GALNT2: variants seen among roughly 807,000 people sequenced by gnomAD.
GALNT2 encodes polypeptide N-acetylgalactosaminyltransferase 2.
GALNT2 carries 31 observed loss-of-function variants against 81.4 expected under a neutral mutation model. The observed-to-expected ratio is 0.38, with a 90% CI of 0.29 to 0.51. GALNT2 has a LOEUF of 0.51. Ranked by LOEUF, GALNT2 falls within the 20% of genes least tolerant of loss-of-function variation. The pLI, the probability that GALNT2 is intolerant of heterozygous loss-of-function variation, is 0.87. For missense variants in GALNT2, 629 were observed against 765.7 expected (o/e 0.82, Z 2.11); for synonymous variants, 303 against 287.4 (o/e 1.05, Z -0.55).
intron 1 of GALNT2, among the ~76,000 whole-genome samples, chr1:230,130,956 A>G (rs985948177): frequency 3.3e-5 from 5 of 152,194 alleles, no homozygotes; most frequent in Admixed American, 3.3e-4. Flanking sequence ...AGCCTGAGAC[A>G]GGGTAGGAAC....
At chr1:230,111,159 G>A (rs943345977) in intron 1 of GALNT2, among the ~76,000 whole-genome samples, 3 of 152,218 alleles carry the variant, frequency 2.0e-5, no homozygotes, top group African/African-American at 7.2e-5. Flanking sequence ...ATGCACACAT[G>A]TACACAGCAC....
intron 3 of GALNT2, among the ~76,000 whole-genome samples, chr1:230,214,847 A>G (rs1376276995): frequency 1.3e-5 from 2 of 152,044 alleles, no homozygotes; most frequent in Non-Finnish European, 2.9e-5. Context: ...CAGTCTGGAT[A>G]TATTTCTGTT....
intron 2 of GALNT2, among the ~76,000 whole-genome samples, chr1:230,194,174 G>A (rs1180545418): frequency 6.6e-6 from 1 of 152,236 alleles, no homozygotes; most frequent in African/African-American, 2.4e-5. Context: ...GATAGCGGGT[G>A]TGATGAAGAG....
At chr1:230,096,467 C>T (rs901160788) in intron 1 of GALNT2, among the ~76,000 whole-genome samples, 1 of 152,158 alleles carries the variant, frequency 6.6e-6, no homozygotes, top group African/African-American at 2.4e-5. Context: ...TCGTCCATCT[C>T]GTTCTCCCCT....
chr1:230,244,730 A>T (rs987168147), intron 7 of GALNT2, among the ~76,000 whole-genome samples: 1 of 152,206 alleles, frequency 6.6e-6, no homozygotes, highest in Non-Finnish European at 1.5e-5. Flanking sequence ...CCTTTAACTC[A>T]TACACCTAGA....
chr1:230,239,129 T>C (rs1328422424), intron 6 of GALNT2, among the ~76,000 whole-genome samples: 1 of 152,212 alleles, frequency 6.6e-6, no homozygotes, highest in Non-Finnish European at 1.5e-5. Flanking sequence ...TTGTCTCTTT[T>C]TTTACTGTTT....
chr1:230,122,311 C>A (rs1401167417), intron 1 of GALNT2, among the ~76,000 whole-genome samples: 1 of 152,136 alleles, frequency 6.6e-6, no homozygotes, highest in East Asian at 1.9e-4. Flanking sequence ...ATATCGCTTT[C>A]CCTTGAAAGA....
intron 1 of GALNT2, among the ~76,000 whole-genome samples, chr1:230,131,128 T>A (rs1004415123): frequency 6.6e-6 from 1 of 152,236 alleles, no homozygotes; most frequent in Non-Finnish European, 1.5e-5. Context: ...ACGTTTGTTT[T>A]TTTTTTATAA....
chr1:230,103,849 T>C (rs998099051), intron 1 of GALNT2, among the ~76,000 whole-genome samples: 20 of 152,198 alleles, frequency 1.3e-4, no homozygotes, highest in Admixed American at 5.2e-4. Flanking sequence ...TGGATTGTTA[T>C]TCATTCCTCC....
Position 230,193,559 on chromosome 1 carries a change from A to G in GALNT2, c.221-9578A>G, listed in dbSNP as rs1395129948. The stretch of plus-strand genomic sequence containing the variant: ...TGTGCTTTGTGATGTTAATTCTTTG[A>G]AGGGTCAGTTTTATAGGTTTCTGTC... On this transcript the variant is annotated intron_variant, in intron 2 of 15. Coordinates refer to ENST00000366672, the MANE Select transcript of GALNT2 (RefSeq NM_004481.5). This position sits in a 1 kb window ranked among gnomAD's most constrained non-coding sequence, Gnocchi z 4.3. 1.3e-5 allele frequency among the ~76,000 whole-genome samples: 2 copies of G among 151,014 alleles called. No homozygotes were observed. Among genetic ancestry groups the G allele is most frequent in the Non-Finnish European group, 2.9e-5 (2 of 67,850 alleles).
intron 10 of GALNT2, 133 bp from the exon 11 acceptor site, chr1:230,255,085 C>T (rs1665666326): frequency 2.3e-6 from 3 of 1,286,670 alleles, no homozygotes; most frequent in African/African-American, 2.9e-5. Flanking sequence ...TATCAGATCT[C>T]CTTCAGCAGC....
Position 230,279,344 on chromosome 1 carries a change from G to T in GALNT2, c.1602G>T (p.Val534=). 2 of 1,614,122 alleles carry T rather than the reference G, an allele frequency of 1.2e-6. No homozygotes were observed. The highest frequency in any genetic ancestry group is 1.7e-6 in the Non-Finnish European group (2 of 1,180,020). ...AGGGCAACTCCAAGCTGAGGCACGT[G>T]GGCAGCAACCTGTGCCTGGACAGTC... ...QIEGNSKLRH[V]GSNLCLDSRT... is the part of the protein sequence containing the mutation. The change falls in exon 16 of 16, where the codon GTG becomes GTT. Residue 534 remains valine, a synonymous_variant. Transcript: ENST00000366672. This position sits in a 1 kb window ranked among gnomAD's most constrained non-coding sequence, Gnocchi z 4.6.
intron 10 of GALNT2, among the ~76,000 whole-genome samples, chr1:230,251,345 A>G (rs992092061): frequency 1.3e-5 from 2 of 152,038 alleles, no homozygotes; most frequent in Non-Finnish European, 2.9e-5. Flanking sequence ...AGGAAAGGGG[A>G]AAATGAGGCC....
At chr1:230,169,188 T>C (rs1446934197) in intron 1 of GALNT2, among the ~76,000 whole-genome samples, 3 of 152,218 alleles carry the variant, frequency 2.0e-5, no homozygotes, top group Non-Finnish European at 4.4e-5. Context: ...TTAGTACCCC[T>C]GAATAGTAAC....
chr1:230,164,540 C>CTT (rs747922205), intron 1 of GALNT2, among the ~76,000 whole-genome samples: 1 of 142,262 alleles, frequency 7.0e-6, no homozygotes. Flanking sequence ...GGCCCTTTTT[C>CTT]TTTTTTTTTT....
Position 230,243,521 on chromosome 1 carries a change from A to G in GALNT2, c.729+94A>G, listed in dbSNP as rs1665267349. 1.3e-6 allele frequency: 2 copies of G among 1,486,322 alleles called. No homozygotes were observed. Among genetic ancestry groups the G allele is most frequent in the East Asian group, 2.5e-5 (1 of 40,298 alleles). 92.1% of individuals were successfully genotyped at this position (1,486,322 alleles called of 1,614,324 possible). A position where few individuals can be genotyped will look rare whatever the true frequency, so the allele number is the denominator to read the frequency against. On this transcript the variant is annotated intron_variant, in intron 7 of 15. Coordinates refer to ENST00000366672, the MANE Select transcript of GALNT2 (RefSeq NM_004481.5). This position sits in a 1 kb window ranked among gnomAD's most constrained non-coding sequence, Gnocchi z 4.2. The stretch of plus-strand genomic sequence containing the variant: ...GGTCCAGGGGAGGTGTAACGCAGGG[A>G]GTAGGGCGTCAGGGCTGGTAGGGGC...
chr1:230,251,970 A>G (rs1001228527), intron 10 of GALNT2, among the ~76,000 whole-genome samples: 7 of 152,076 alleles, frequency 4.6e-5, no homozygotes, highest in African/African-American at 1.7e-4. Flanking sequence ...CTGTGCTAGA[A>G]GGTTCTAGGG....
At chr1:230,219,597 G>A (rs1033075510) in intron 3 of GALNT2, among the ~76,000 whole-genome samples, 4 of 152,032 alleles carry the variant, frequency 2.6e-5, no homozygotes, top group African/African-American at 9.7e-5. Context: ...AACCTATGGT[G>A]AGGACACCTG....
chr1:230,087,235 G>T (rs1659927727), intron 1 of GALNT2, among the ~76,000 whole-genome samples: 1 of 152,212 alleles, frequency 6.6e-6, no homozygotes, highest in African/African-American at 2.4e-5. Flanking sequence ...GCCTGCTGGG[G>T]CATGCTTAGT....
Sources: allele counts gnomAD v4.1 joint callset (sites outside exome capture counted in the v4.1 genomes callset), GRCh38; gene constraint gnomAD v4.1.1; non-coding constraint Gnocchi (gnomAD v3.1); transcripts MANE v1.5; gene names NCBI Gene and HGNC (gene_info 2026-07-23, HGNC 2026-07-21).